Variants in NHS observed in about 807,000 individuals in gnomAD.
The protein encoded by NHS is actin remodeling regulator NHS.
In NHS, 5 loss-of-function variants were observed where a neutral mutation model predicts 72.5. The ratio of observed to expected loss-of-function variants is 0.07; its 90% CI spans 0.04 to 0.14. NHS has a LOEUF of 0.14. Among genes scored for constraint, NHS ranks in the 10% least tolerant of loss-of-function variants. The pLI is 1.00. For missense variants in NHS, 1,072 were observed against 1,355.7 expected, an observed-to-expected ratio of 0.79 and a Z score of 3.29; for synonymous variants, 464 against 547.7, an observed-to-expected ratio of 0.85 and a Z score of 2.13.
At chrX:17,666,195 A>T (rs778001766) in intron 1 of NHS, among the ~76,000 whole-genome samples, 44 of 112,139 alleles carry the variant, frequency 3.9e-4, no homozygotes, top group Admixed American at 2.8e-4. Context: ...TGGAGTTTAG[A>T]TCTTATGTAG....
chrX:17,519,276 C>G (rs961085346), intron 1 of NHS, among the ~76,000 whole-genome samples: 1 of 112,096 alleles, frequency 8.9e-6, no homozygotes, highest in Non-Finnish European at 1.9e-5. Flanking sequence ...CTTGACATCT[C>G]GAGACCTCAC....
intron 1 of NHS, among the ~76,000 whole-genome samples, chrX:17,567,678 AGAAGAGAGAGGGGGAG>A (rs2065451778): frequency 9.1e-6 from 1 of 109,786 alleles, no homozygotes; most frequent in Non-Finnish European, 1.9e-5. Context: ...AGCAGGGAGA[AGAAGAGAGAGGGGGAG>A]GAAGAGAGAG....
At chrX:17,480,311 C>G (rs1159291914) in intron 1 of NHS, among the ~76,000 whole-genome samples, 1 of 111,719 alleles carries the variant, frequency 9.0e-6, no homozygotes, top group African/African-American at 3.3e-5. Flanking sequence ...AAAAAAAGAG[C>G]CTGTATAGCC....
intron 3 of NHS, among the ~76,000 whole-genome samples, chrX:17,716,375 A>T (rs2066364166): frequency 8.9e-6 from 1 of 112,326 alleles, no homozygotes; most frequent in Admixed American, 9.4e-5. Context: ...TTTTGAAAAT[A>T]CTTTCATGAG....
rs1476388698 is a variant in NHS at position 17,376,116 on chromosome X, T to G, written c.359T>G (p.Leu120Arg). 8.6e-7 allele frequency: 1 copy of G among 1,160,503 alleles called. No individual in the cohort carries two copies. Among genetic ancestry groups the G allele is most frequent in the Admixed American group, 2.4e-5 (1 of 41,148 alleles). The change falls in exon 1 of 9, where the codon CTC becomes CGC. Residue 120 changes from leucine (L) to arginine (R), a missense_variant. By Grantham distance (102) the Leu-to-Arg change is moderately radical (BLOSUM62 -2). Coordinates refer to ENST00000676302, the MANE Select transcript of NHS (RefSeq NM_001291867.2). ...SSAAAAAAVL[L>R]MLDLCAVSNA... ...GCGGCGGCGGCGGCGGCCGTGCTGC[T>G]CATGCTGGACCTATGCGCGGTCAGC...
At chrX:17,436,625 A>G (rs774804156) in intron 1 of NHS, among the ~76,000 whole-genome samples, 2 of 109,794 alleles carry the variant, frequency 1.8e-5, no homozygotes, top group Non-Finnish European at 1.9e-5. Flanking sequence ...AAAAAAAAAA[A>G]AAAGAAAGAA....
chrX:17,521,366 CT>C lies in NHS; in HGVS notation c.565+145057del, dbSNP rs766662277. On this transcript the variant is annotated intron_variant, in intron 1 of 8. Coordinates refer to ENST00000676302, the MANE Select transcript of NHS (RefSeq NM_001291867.2). ...AGTTCTACCTTTTTCTCCCTTCCCT[CT>C]TTTTTTTTTTTTGAGACAGGGTCTC... is the stretch of plus-strand genomic sequence containing the variant. Among the ~76,000 whole-genome samples the C allele has an allele frequency of 1.8e-3, 175 of 96,958 alleles. 1 individual carries two copies. The highest frequency in any genetic ancestry group is 1.5e-3 in the Non-Finnish European group (77 of 49,900). The allele number at this position is 96,958 out of a possible 115,157, so 84.2% of individuals were successfully genotyped here.
At chrX:17,697,988 A>G (rs1254006451) in intron 3 of NHS, among the ~76,000 whole-genome samples, 1 of 111,463 alleles carries the variant, frequency 9.0e-6, no homozygotes, top group Non-Finnish European at 1.9e-5. Flanking sequence ...ATAAACAGAG[A>G]AGACAACACA....
At chrX:17,390,287 C>G (rs937841608) in intron 1 of NHS, among the ~76,000 whole-genome samples, 1 of 112,373 alleles carries the variant, frequency 8.9e-6, no homozygotes, top group East Asian at 2.8e-4. Context: ...CATCTGGACT[C>G]TGTTCCTTGA....
chrX:17,539,827 A>G (rs758140426), intron 1 of NHS, among the ~76,000 whole-genome samples: 49 of 111,833 alleles, frequency 4.4e-4, no homozygotes, highest in Admixed American at 9.5e-4. Flanking sequence ...TCACATGACT[A>G]GTTCTGGCCA....
intron 1 of NHS, among the ~76,000 whole-genome samples, chrX:17,443,831 C>T (rs1001920219): frequency 1.8e-5 from 2 of 112,125 alleles, no homozygotes; most frequent in Non-Finnish European, 3.8e-5. Context: ...TGGATGCCAC[C>T]AGCTAATTCG....
intron 1 of NHS, among the ~76,000 whole-genome samples, chrX:17,448,138 G>A (rs113101205): frequency 9.0e-6 from 1 of 111,521 alleles, no homozygotes; most frequent in Non-Finnish European, 1.9e-5. Flanking sequence ...ATATATTACA[G>A]GATATTTGTA....
intron 1 of NHS, among the ~76,000 whole-genome samples, chrX:17,416,859 G>A (rs1313004028): frequency 9.1e-6 from 1 of 109,684 alleles, no homozygotes; most frequent in South Asian, 4.0e-4. Context: ...TAGGGAGTGC[G>A]TGTTTTGAGT....
intron 1 of NHS, among the ~76,000 whole-genome samples, chrX:17,471,494 A>G (rs931265273): frequency 8.9e-6 from 1 of 112,739 alleles, no homozygotes; most frequent in African/African-American, 3.2e-5. Context: ...CATTTCAGCT[A>G]AGCTATTTTA....
intron 1 of NHS, among the ~76,000 whole-genome samples, chrX:17,537,685 T>C (rs2065234593): frequency 9.0e-6 from 1 of 111,721 alleles, no homozygotes; most frequent in South Asian, 3.7e-4. Context: ...CTATGTTGCA[T>C]TAGGGGTTAG....
intron 1 of NHS, among the ~76,000 whole-genome samples, chrX:17,507,231 A>C (rs2065062939): frequency 8.9e-6 from 1 of 112,551 alleles, no homozygotes; most frequent in African/African-American, 3.2e-5. Flanking sequence ...TATGGGCTTC[A>C]TAAATGTATA....
chrX:17,568,643 CTTAG>C (rs1381285026), intron 1 of NHS, among the ~76,000 whole-genome samples: 2 of 63,287 alleles, frequency 3.2e-5, no homozygotes, highest in African/African-American at 1.2e-4. Context: ...TTCCAGGTTA[CTTAG>C]TTATTATTAT....
chrX:17,561,574 G>GCACACACACACACA (rs530971006), intron 1 of NHS, among the ~76,000 whole-genome samples: 191 of 65,393 alleles, frequency 2.9e-3, no homozygotes, highest in Middle Eastern at 9.5e-3. Flanking sequence ...GCGCGCGCGC[G>GCACACACACACACA]CACACACACA....
At chrX:17,596,864 C>T (rs1487211743) in intron 1 of NHS, among the ~76,000 whole-genome samples, 7 of 111,218 alleles carry the variant, frequency 6.3e-5, no homozygotes, top group Non-Finnish European at 1.3e-4. Context: ...TTCCCTGTGC[C>T]CTAAGGCCTC....
Sources: allele counts gnomAD v4.1 joint callset (sites outside exome capture counted in the v4.1 genomes callset), GRCh38; gene constraint gnomAD v4.1.1; transcripts MANE v1.5; gene names NCBI Gene and HGNC (gene_info 2026-07-23, HGNC 2026-07-21).